The following ACER3 variants were observed in gnomAD, a reference collection of about 807,000 sequenced individuals.
ACER3 encodes the protein alkaline ceramidase 3, also known as alkCDase 3.
Under a neutral mutation model 48.9 loss-of-function variants are expected in ACER3, and 16 were observed. The ratio of observed to expected loss-of-function variants is 0.33; its 90% CI spans 0.22 to 0.50. ACER3 has a LOEUF of 0.50. Among genes scored for constraint, ACER3 ranks in the 20% least tolerant of loss-of-function variants. The pLI, the probability that ACER3 is intolerant of heterozygous loss-of-function variation, is 0.98. For missense variants in ACER3, 227 were observed against 326.0 expected (o/e 0.70, Z 2.34); for synonymous variants, 109 against 107.8 (o/e 1.01, Z -0.07).
At chr11:76,878,045 T>C (rs1945430617) in intron 1 of ACER3, among the ~76,000 whole-genome samples, 1 of 152,096 alleles carries the variant, frequency 6.6e-6, no homozygotes, top group Admixed American at 6.6e-5. Flanking sequence ...AGAATTCCAC[T>C]GTATGAATAC....
chr11:76,949,106 G>A (rs1947564458), intron 2 of ACER3, among the ~76,000 whole-genome samples: 1 of 152,028 alleles, frequency 6.6e-6, no homozygotes, highest in South Asian at 2.1e-4. Flanking sequence ...GTGTTTTATT[G>A]TAACCTTGAA....
Position 77,015,137 on chromosome 11 carries a change from C to A in ACER3, c.599+20C>A, listed in dbSNP as rs782413361. On this transcript the variant is annotated intron_variant, in intron 8 of 10. Transcript: ENST00000532485. ...ACTGAGGTAAGATATATTTTCATTC[C>A]TTCAGAAATATTTTTGGAAGCATTT... The A allele has an allele frequency of 7.6e-7, 1 of 1,313,834 alleles. No homozygotes were observed. Among genetic ancestry groups the A allele is most frequent in the Non-Finnish European group, 1.1e-6 (1 of 918,170 alleles). The allele number at this position is 1,313,834 out of a possible 1,614,324, so 81.4% of individuals were successfully genotyped here. A position where few individuals can be genotyped will look rare whatever the true frequency, so the allele number is the denominator to read the frequency against.
intron 2 of ACER3, among the ~76,000 whole-genome samples, chr11:76,927,466 T>A (rs550074404): frequency 1.8e-4 from 25 of 137,010 alleles, no homozygotes; most frequent in African/African-American, 6.0e-4. Flanking sequence ...CTGTTTTTTT[T>A]ATTATTATTA....
At chr11:76,952,126 TTA>T (rs60620382) in intron 2 of ACER3, among the ~76,000 whole-genome samples, 15,633 of 148,224 alleles carry the variant, frequency 0.11, 2,478 homozygotes, top group African/African-American at 0.35. Flanking sequence ...AGAAAAAATA[TTA>T]TATATATATA....
At chr11:77,005,973 A>ATT (rs1949128823) in intron 7 of ACER3, among the ~76,000 whole-genome samples, 1 of 95,246 alleles carries the variant, frequency 1.0e-5, no homozygotes, top group South Asian at 3.3e-4. Flanking sequence ...ATATATATAC[A>ATT]TATATATATA....
chr11:76,950,287 T>A (rs1947609625), intron 2 of ACER3, among the ~76,000 whole-genome samples: 1 of 141,582 alleles, frequency 7.1e-6, no homozygotes, highest in Admixed American at 7.5e-5. Context: ...CGGAGTAGAG[T>A]CTAAAGTTTA....
At chr11:76,974,963 T>TCAAA (rs546797914) in intron 3 of ACER3, among the ~76,000 whole-genome samples, 13 of 152,292 alleles carry the variant, frequency 8.5e-5, no homozygotes, top group South Asian at 2.1e-4. Context: ...AGACTCCGTC[T>TCAAA]CAAACAAACA....
intron 7 of ACER3, among the ~76,000 whole-genome samples, chr11:77,013,831 G>A (rs1158313716): frequency 6.6e-6 from 1 of 152,136 alleles, no homozygotes. Context: ...ACCCGCATTT[G>A]GACAGAGAAA....
chr11:76,898,104 G>C (rs993556251), intron 1 of ACER3, among the ~76,000 whole-genome samples: 2 of 152,046 alleles, frequency 1.3e-5, no homozygotes, highest in African/African-American at 4.8e-5. Context: ...GTATAGACTG[G>C]TTGTTACTGC....
In ACER3 at chr11:76,965,683, A is replaced by C. The variant is rs11237038; in HGVS notation, c.267+6652A>C. 2.4e-3 allele frequency among the ~76,000 whole-genome samples: 348 copies of C among 146,676 alleles called. 20 individuals carry two copies. Among genetic ancestry groups the C allele is most frequent in the African/African-American group, 7.3e-3 (296 of 40,282 alleles). On this transcript the variant is annotated intron_variant, in intron 3 of 10. Coordinates refer to ENST00000532485, the MANE Select transcript of ACER3 (RefSeq NM_018367.7). Reference sequence around the variant, plus strand: ...ATTCTTAAAGGAAAGAATTTTCAACACAGAATTTCATATCCAGCCAAACTA... The same window carrying C: ...ATTCTTAAAGGAAAGAATTTTCAACCCAGAATTTCATATCCAGCCAAACTA...
At chr11:76,924,718 G>A (rs1334931323) in intron 1 of ACER3, among the ~76,000 whole-genome samples, 1 of 152,036 alleles carries the variant, frequency 6.6e-6, no homozygotes. Flanking sequence ...TAGTTAGGAT[G>A]TAACATCCAT....
At chr11:76,975,213 TA>T (rs1948410643) in intron 3 of ACER3, among the ~76,000 whole-genome samples, 2 of 152,230 alleles carry the variant, frequency 1.3e-5, no homozygotes, top group African/African-American at 4.8e-5. Context: ...CCTTAACCTC[TA>T]ATTAGAATGC....
intron 1 of ACER3, among the ~76,000 whole-genome samples, chr11:76,922,598 CTGATA>C (rs1946715582): frequency 6.6e-6 from 1 of 152,068 alleles, no homozygotes; most frequent in Admixed American, 6.6e-5. Context: ...ATAAAATACT[CTGATA>C]TAATTTTTAA....
At chr11:76,930,921 C>G (rs560832096) in intron 2 of ACER3, among the ~76,000 whole-genome samples, 63 of 151,616 alleles carry the variant, frequency 4.2e-4, no homozygotes, top group African/African-American at 1.4e-3. Flanking sequence ...TGGTGTGGTG[C>G]TGAAAAGAAT....
intron 6 of ACER3, among the ~76,000 whole-genome samples, chr11:76,990,950 A>G (rs1948788880): frequency 6.6e-6 from 1 of 152,238 alleles, no homozygotes; most frequent in African/African-American, 2.4e-5. Context: ...ATATATTTTA[A>G]CACATTTTTT....
At chr11:76,899,138 G>A (rs1946015850) in intron 1 of ACER3, among the ~76,000 whole-genome samples, 1 of 152,078 alleles carries the variant, frequency 6.6e-6, no homozygotes, top group African/African-American at 2.4e-5. Flanking sequence ...GGGAAAATGA[G>A]TTCCTTTTGT....
rs369879809 is a variant in ACER3 at position 76,985,610 on chromosome 11, C to A, written c.321-33C>A. 114 of 1,335,138 alleles carry A rather than the reference C, an allele frequency of 8.5e-5. No homozygotes were observed. In the Middle Eastern group the frequency reaches 3.6e-3, roughly 43 times the overall value. 82.7% of individuals were successfully genotyped at this position (1,335,138 alleles called of 1,614,324 possible). A position where few individuals can be genotyped will look rare whatever the true frequency, so the allele number is the denominator to read the frequency against. ...CTATTTATGTTCCTACTTATATATT[C>A]TTTTAAAAGTTTCTTTCTCTCTTTT... On this transcript the variant is annotated intron_variant, in intron 4 of 10. Coordinates refer to ENST00000532485, the MANE Select transcript of ACER3 (RefSeq NM_018367.7).
intron 1 of ACER3, among the ~76,000 whole-genome samples, chr11:76,875,384 T>C (rs1945346474): frequency 6.6e-6 from 1 of 152,054 alleles, no homozygotes; most frequent in Non-Finnish European, 1.5e-5. Context: ...AGTGCTGGGA[T>C]TACATAAAGG....
chr11:77,007,318 C>T (rs2135295504), intron 7 of ACER3, among the ~76,000 whole-genome samples: 1 of 152,254 alleles, frequency 6.6e-6, no homozygotes, highest in South Asian at 2.1e-4. Context: ...CTGGGGGACA[C>T]CAATAACAAG....
Sources: allele counts gnomAD v4.1 joint callset (sites outside exome capture counted in the v4.1 genomes callset), GRCh38; gene constraint gnomAD v4.1.1; transcripts MANE v1.5; gene names NCBI Gene and HGNC (gene_info 2026-07-23, HGNC 2026-07-21).